Variants in LYPLAL1 observed in about 807,000 individuals in gnomAD.
LYPLAL1 encodes lysophospholipase-like protein 1.
LYPLAL1 carries 23 observed loss-of-function variants against 19.7 expected under a neutral mutation model. That is an observed-to-expected ratio of 1.17 (90% CI 0.84 to 1.65). The LOEUF is 1.65. Ranked by LOEUF, LYPLAL1 falls within the 40% of genes most tolerant of loss-of-function variation. The probability of loss-of-function intolerance (pLI) is 0.00; values close to 1 mark genes in which losing one functional copy is unlikely to be tolerated. For synonymous variants in LYPLAL1, 119 were observed against 96.3 expected (o/e 1.24, Z -1.38); for missense variants, 355 against 279.4 (o/e 1.27, Z -1.93).
At chr1:219,175,240 A>G (rs1181375627) in intron 1 of LYPLAL1, among the ~76,000 whole-genome samples, 2 of 152,176 alleles carry the variant, frequency 1.3e-5, no homozygotes, top group Non-Finnish European at 2.9e-5. Flanking sequence ...TGGTGGGGTA[A>G]GGTGAAAAAG....
chr1:219,348,868 A>C, the LYPLAL1 span, among the ~76,000 whole-genome samples: 2 of 152,192 alleles, frequency 1.3e-5, no homozygotes, highest in Non-Finnish European at 2.9e-5. Flanking sequence ...AAAAAAGACA[A>C]AAATCTCCAC....
the LYPLAL1 span, chr1:219,273,310 C>T: frequency 6.6e-6 from 1 of 152,202 alleles, no homozygotes; most frequent in South Asian, 2.1e-4. Context: ...TTGTATCTAT[C>T]AGATGATGTC....
chr1:219,309,493 T>C, the LYPLAL1 span, among the ~76,000 whole-genome samples: 1 of 152,152 alleles, frequency 6.6e-6, no homozygotes, highest in Non-Finnish European at 1.5e-5. Flanking sequence ...TCCCCACCCA[T>C]ATCTCATCTT....
At chr1:219,301,264 C>G in the LYPLAL1 span, among the ~76,000 whole-genome samples, 4 of 152,106 alleles carry the variant, frequency 2.6e-5, no homozygotes, top group Non-Finnish European at 5.9e-5. Flanking sequence ...TAAACACATA[C>G]TTTTCCCCAA....
the LYPLAL1 span, among the ~76,000 whole-genome samples, chr1:219,234,705 A>G: frequency 5.9e-5 from 9 of 152,296 alleles, no homozygotes; most frequent in African/African-American, 1.9e-4. Context: ...CCATTCCTAT[A>G]GAATTTTAAG....
chr1:219,364,378 C>G, the LYPLAL1 span, among the ~76,000 whole-genome samples: 1 of 152,100 alleles, frequency 6.6e-6, no homozygotes, highest in African/African-American at 2.4e-5. Context: ...CTAATACACT[C>G]TGTTTCCTGC....
At chr1:219,439,132 C>T in the LYPLAL1 span, among the ~76,000 whole-genome samples, 1 of 152,164 alleles carries the variant, frequency 6.6e-6, no homozygotes, top group Non-Finnish European at 1.5e-5. Flanking sequence ...CTACCTATCC[C>T]CAGTCCATCA....
the LYPLAL1 span, among the ~76,000 whole-genome samples, chr1:219,242,305 G>A: frequency 6.6e-6 from 1 of 152,116 alleles, no homozygotes; most frequent in Non-Finnish European, 1.5e-5. Context: ...ACCAACCACT[G>A]GTCTCCAACC....
At chr1:219,393,999 G>T in the LYPLAL1 span, among the ~76,000 whole-genome samples, 1 of 151,632 alleles carries the variant, frequency 6.6e-6, no homozygotes, top group African/African-American at 2.4e-5. Context: ...AATTAAAATT[G>T]CTTATTTGTA....
chr1:219,210,043 A>G (rs1268720864), intron 3 of LYPLAL1, among the ~76,000 whole-genome samples: 2 of 152,124 alleles, frequency 1.3e-5, no homozygotes, highest in East Asian at 3.8e-4. Context: ...TAGCTCCTCA[A>G]ATTTTTTTTA....
chr1:219,362,051 T>C, the LYPLAL1 span, among the ~76,000 whole-genome samples: 1 of 152,098 alleles, frequency 6.6e-6, no homozygotes, highest in African/African-American at 2.4e-5. Context: ...AAGTTCTCTC[T>C]CCTCTGCGTT....
At chr1:219,285,674 CA>C in the LYPLAL1 span, among the ~76,000 whole-genome samples, 1 of 152,108 alleles carries the variant, frequency 6.6e-6, no homozygotes, top group African/African-American at 2.4e-5. Context: ...TAGGCAAATC[CA>C]GAGAAACATA....
At chr1:219,224,475 G>C in the LYPLAL1 span, among the ~76,000 whole-genome samples, 1 of 152,102 alleles carries the variant, frequency 6.6e-6, no homozygotes, top group African/African-American at 2.4e-5. Context: ...TATTACTGGA[G>C]GGGAATTCAG....
the LYPLAL1 span, among the ~76,000 whole-genome samples, chr1:219,443,542 A>T: frequency 6.6e-6 from 1 of 152,222 alleles, no homozygotes; most frequent in Non-Finnish European, 1.5e-5. Context: ...GAAGTACAGT[A>T]AGTCCTTACT....
chr1:219,232,750 G>A, the LYPLAL1 span, among the ~76,000 whole-genome samples: 1 of 151,214 alleles, frequency 6.6e-6, no homozygotes, highest in African/African-American at 2.4e-5. Context: ...ATCCAAAGAA[G>A]ATATATAAAT....
chr1:219,288,668 T>C, the LYPLAL1 span, among the ~76,000 whole-genome samples: 1 of 152,344 alleles, frequency 6.6e-6, no homozygotes, highest in Admixed American at 6.5e-5. Flanking sequence ...GTGATATTGA[T>C]GTGCCAATGT....
intron 3 of LYPLAL1, among the ~76,000 whole-genome samples, chr1:219,204,930 T>C (rs1658431435): frequency 6.6e-6 from 1 of 152,130 alleles, no homozygotes; most frequent in South Asian, 2.1e-4. Flanking sequence ...TTTGATAATA[T>C]AAGCATATTA....
chr1:219,286,583 T>G, the LYPLAL1 span, among the ~76,000 whole-genome samples: 3 of 152,194 alleles, frequency 2.0e-5, no homozygotes, highest in East Asian at 5.8e-4. Context: ...CTTCCCTGAA[T>G]GAAAACAGAA....
chr1:219,239,618 A>T, the LYPLAL1 span, among the ~76,000 whole-genome samples: 1 of 152,228 alleles, frequency 6.6e-6, no homozygotes, highest in African/African-American at 2.4e-5. Flanking sequence ...ATTAGATCTA[A>T]AGCTCAAAGT....
Sources: allele counts gnomAD v4.1 joint callset (sites outside exome capture counted in the v4.1 genomes callset), GRCh38; gene constraint gnomAD v4.1.1; transcripts MANE v1.5; gene names NCBI Gene and HGNC (gene_info 2026-07-23, HGNC 2026-07-21).